The following CUEDC1 variants were observed in gnomAD, a reference collection of about 807,000 sequenced individuals.
CUEDC1 encodes the protein CUE domain containing 1.
Under a neutral mutation model 43.7 loss-of-function variants are expected in CUEDC1, and 30 were observed. The ratio of observed to expected loss-of-function variants is 0.69; its 90% CI spans 0.51 to 0.93. The LOEUF is 0.93. Ranked by LOEUF, CUEDC1 falls within the 40% of genes least tolerant of loss-of-function variation. The probability of loss-of-function intolerance (pLI) is 0.00; values close to 1 mark genes in which losing one functional copy is unlikely to be tolerated. For missense variants in CUEDC1, 486 were observed against 549.0 expected (o/e 0.89, Z 1.15); for synonymous variants, 223 against 223.6 (o/e 1.00, Z 0.02).
In CUEDC1 at chr17:57,954,231, C is replaced by T. The variant is rs2075034000; in HGVS notation, c.-316+994G>A. On this transcript the variant is annotated intron_variant, in intron 1 of 10. Coordinates refer to ENST00000577830, the MANE Select transcript of CUEDC1 (RefSeq NM_001271875.2). This position sits in a 1 kb window ranked among gnomAD's most constrained non-coding sequence, Gnocchi z 4.3. Reference sequence around the variant, plus strand: ...CATTCCTCTCGCTACAAGACGCTGACTGCGGATCAGGTGGGGAGCACGGTG... The same window carrying T: ...CATTCCTCTCGCTACAAGACGCTGATTGCGGATCAGGTGGGGAGCACGGTG... Among the ~76,000 whole-genome samples the T allele has an allele frequency of 6.6e-6, 1 of 152,198 alleles. No individual in the cohort carries two copies. The highest frequency in any genetic ancestry group is 1.5e-5 in the Non-Finnish European group (1 of 68,036).
chr17:57,922,545 T>C (rs1337758541), intron 1 of CUEDC1: 1 of 152,168 alleles, frequency 6.6e-6, no homozygotes, highest in Non-Finnish European at 1.5e-5. Context: ...TCTAAACCAG[T>C]ATGAGCTTTC....
intron 3 of CUEDC1, among the ~76,000 whole-genome samples, chr17:57,878,101 C>T (rs2074152704): frequency 6.6e-6 from 1 of 152,106 alleles, no homozygotes; most frequent in East Asian, 1.9e-4. Flanking sequence ...CTCCCTCCTC[C>T]CCTCAGTAAC....
At chr17:57,873,881 G>T (rs1422780898) in intron 3 of CUEDC1, among the ~76,000 whole-genome samples, 164 bp from the exon 4 acceptor site, 1 of 152,176 alleles carries the variant, frequency 6.6e-6, no homozygotes, top group Non-Finnish European at 1.5e-5. Context: ...CATCACTGGA[G>T]ATGTCTCCAC....
Position 57,930,677 on chromosome 17 carries a change from T to C in CUEDC1, c.-316+24548A>G, listed in dbSNP as rs1489913879. Among the ~76,000 whole-genome samples, 1 of 152,206 alleles carries C rather than the reference T, an allele frequency of 6.6e-6. No individual in the cohort carries two copies. Among genetic ancestry groups the C allele is most frequent in the Non-Finnish European group, 1.5e-5 (1 of 68,030 alleles). On this transcript the variant is annotated intron_variant, in intron 1 of 10. Coordinates refer to ENST00000577830, the MANE Select transcript of CUEDC1 (RefSeq NM_001271875.2). This position sits in a 1 kb window ranked among gnomAD's most constrained non-coding sequence, Gnocchi z 4.2. ...ACACGTGTGTTTGGACAGCACTTTC[T>C]ACTTCTTAAAAAGAAGATATCCACA...
rs1163270056 is a variant in CUEDC1 at position 57,930,280 on chromosome 17, C to G, written c.-316+24945G>C. 6.6e-6 allele frequency among the ~76,000 whole-genome samples: 1 copy of G among 152,190 alleles called. No individual in the cohort carries two copies. The highest frequency in any genetic ancestry group is 2.4e-5 in the African/African-American group (1 of 41,452). On this transcript the variant is annotated intron_variant, in intron 1 of 10. Coordinates refer to ENST00000577830, the MANE Select transcript of CUEDC1 (RefSeq NM_001271875.2). The surrounding 1 kb of genome is among the most constrained non-coding windows in gnomAD (Gnocchi z 4.2). ...CTCCAACTGCACAAGCAGACCAGAG[C>G]CAACGAGGCTGATGCTGTGAACTCC...
At chr17:57,915,731 G>C (rs1349827745) in intron 1 of CUEDC1, among the ~76,000 whole-genome samples, 1 of 152,170 alleles carries the variant, frequency 6.6e-6, no homozygotes, top group East Asian at 1.9e-4. Context: ...TGCTACCCCC[G>C]GCTGTTTGGG....
At chr17:57,943,775 G>C (rs2074936683) in intron 1 of CUEDC1, among the ~76,000 whole-genome samples, 1 of 152,056 alleles carries the variant, frequency 6.6e-6, no homozygotes, top group African/African-American at 2.4e-5. Flanking sequence ...CCCACACTTA[G>C]AAACAGCTGT....
chr17:57,929,325 C>T (rs769879086), intron 1 of CUEDC1, among the ~76,000 whole-genome samples: 2 of 152,094 alleles, frequency 1.3e-5, no homozygotes, highest in African/African-American at 2.4e-5. Flanking sequence ...AACAGCCGCC[C>T]AAGAACACAC....
chr17:57,881,815 G>T (rs911226781), intron 2 of CUEDC1, among the ~76,000 whole-genome samples: 1 of 152,154 alleles, frequency 6.6e-6, no homozygotes, highest in Admixed American at 6.5e-5. Flanking sequence ...AGCCTCCCAG[G>T]GCAGCAAGAC....
rs2075041582 is a variant in CUEDC1 at position 57,954,874 on chromosome 17, G to A, written c.-316+351C>T. Among the ~76,000 whole-genome samples, 1 of 151,926 alleles carries A rather than the reference G, an allele frequency of 6.6e-6. No homozygotes were observed. The highest frequency in any genetic ancestry group is 2.4e-5 in the African/African-American group (1 of 41,408). Reference sequence around the variant, plus strand: ...ACTCGGGCGAAGCCGGCTCCGGGAGGCCTCGTCTCCCTTCCCTGCGGCGCT... The same window carrying A: ...ACTCGGGCGAAGCCGGCTCCGGGAGACCTCGTCTCCCTTCCCTGCGGCGCT... On this transcript the variant is annotated intron_variant, in intron 1 of 10. Transcript: ENST00000577830. The surrounding 1 kb of genome is among the most constrained non-coding windows in gnomAD (Gnocchi z 4.3).
chr17:57,933,825 C>T (rs1002716803), intron 1 of CUEDC1, among the ~76,000 whole-genome samples: 1 of 151,978 alleles, frequency 6.6e-6, no homozygotes. Context: ...ATTTGGAGCC[C>T]GACTTATGGG....
chr17:57,942,668 C>T (rs1250404158), intron 1 of CUEDC1, among the ~76,000 whole-genome samples: 1 of 151,690 alleles, frequency 6.6e-6, no homozygotes, highest in Non-Finnish European at 1.5e-5. Flanking sequence ...GTATTACAGG[C>T]GTGAGCCACC....
At chr17:57,869,503 G>A (rs1288712068) in intron 6 of CUEDC1, among the ~76,000 whole-genome samples, 1 of 152,186 alleles carries the variant, frequency 6.6e-6, no homozygotes, top group Non-Finnish European at 1.5e-5. Flanking sequence ...TTGGTAGCTT[G>A]GGAGTATTTC....
intron 1 of CUEDC1, among the ~76,000 whole-genome samples, chr17:57,947,203 T>A (rs1425386262): frequency 6.6e-6 from 1 of 151,144 alleles, no homozygotes; most frequent in Non-Finnish European, 1.5e-5. Context: ...ACTTTCTTAA[T>A]GAATAGGGAA....
chr17:57,949,532 C>A (rs1287078409), intron 1 of CUEDC1, among the ~76,000 whole-genome samples: 1 of 150,968 alleles, frequency 6.6e-6, no homozygotes, highest in Non-Finnish European at 1.5e-5. Flanking sequence ...ACCACGACCA[C>A]CCCCGAGCTC....
intron 1 of CUEDC1, among the ~76,000 whole-genome samples, chr17:57,902,198 A>AC (rs1555565531): frequency 2.6e-5 from 4 of 151,798 alleles, no homozygotes; most frequent in Admixed American, 6.6e-5. Flanking sequence ...CCTCAGAAAA[A>AC]AAAAAACAAA....
chr17:57,945,518 G>A (rs549217803), intron 1 of CUEDC1, among the ~76,000 whole-genome samples: 10 of 152,308 alleles, frequency 6.6e-5, no homozygotes, highest in Non-Finnish European at 1.2e-4. Context: ...CCAGAATGTG[G>A]TGAAATCTCC....
intron 1 of CUEDC1, among the ~76,000 whole-genome samples, chr17:57,895,616 A>G (rs1383845779): frequency 6.6e-6 from 1 of 152,140 alleles, no homozygotes; most frequent in African/African-American, 2.4e-5. Flanking sequence ...CCATAAACAA[A>G]AGCCACCAGC....
intron 1 of CUEDC1, among the ~76,000 whole-genome samples, chr17:57,923,583 A>G (rs2074717523): frequency 6.6e-6 from 1 of 152,224 alleles, no homozygotes; most frequent in Non-Finnish European, 1.5e-5. Flanking sequence ...TGTCCCAGCC[A>G]GAAGGAGCTG....
Sources: gnomAD v4.1 joint callset for allele counts (sites outside exome capture counted in the v4.1 genomes callset) on GRCh38, gnomAD v4.1.1 for gene constraint, Gnocchi (gnomAD v3.1) non-coding constraint, MANE v1.5 for transcripts, NCBI Gene and HGNC (gene_info 2026-07-23, HGNC 2026-07-21) for gene names.